Variants in TTC27 observed in about 807,000 individuals in gnomAD.
The protein encoded by TTC27 is tetratricopeptide repeat protein 27.
In TTC27, 79 loss-of-function variants were observed where a neutral mutation model predicts 115.9. That is an observed-to-expected ratio of 0.68 (90% CI 0.57 to 0.82). The LOEUF (loss-of-function observed/expected upper bound fraction) is 0.82, where lower values mean the gene tolerates loss of function less well. Ranked by LOEUF, TTC27 falls within the 40% of genes least tolerant of loss-of-function variation. The pLI, the probability that TTC27 is intolerant of heterozygous loss-of-function variation, is 0.00. For missense variants in TTC27, 1,054 were observed against 993.1 expected, an observed-to-expected ratio of 1.06 and a Z score of -0.82; for synonymous variants, 401 against 356.0, an observed-to-expected ratio of 1.13 and a Z score of -1.42.
At chr2:32,662,685 G>T (rs946607303) in intron 5 of TTC27, among the ~76,000 whole-genome samples, 4 of 152,182 alleles carry the variant, frequency 2.6e-5, no homozygotes, top group South Asian at 4.2e-4. Flanking sequence ...CTGGCTAGCG[G>T]TCTATCTACT....
chr2:32,748,634 C>T (rs1051614767), intron 12 of TTC27, among the ~76,000 whole-genome samples: 1 of 149,314 alleles, frequency 6.7e-6, no homozygotes, highest in South Asian at 2.1e-4. Context: ...ATTGTTATAT[C>T]TTTCTTGATG....
intron 10 of TTC27, 119 bp from the exon 11 acceptor site, chr2:32,733,709 A>G: frequency 1.8e-6 from 1 of 554,552 alleles, no homozygotes; most frequent in Non-Finnish European, 2.9e-6. Flanking sequence ...CTATCACCTT[A>G]TCAAAATGAC....
chr2:32,644,096 G>C (rs1303019511), intron 4 of TTC27, among the ~76,000 whole-genome samples: 2 of 149,750 alleles, frequency 1.3e-5, no homozygotes, highest in Admixed American at 1.3e-4. Context: ...CAGGAGAATT[G>C]CTTGAACCCA....
At chr2:32,629,365 C>T (rs2063540923) in intron 1 of TTC27, among the ~76,000 whole-genome samples, 1 of 152,234 alleles carries the variant, frequency 6.6e-6, no homozygotes, top group South Asian at 2.1e-4. Context: ...GGTGATCCAC[C>T]CGCCTCGGCC....
chr2:32,688,449 C>T (rs1666709052), intron 9 of TTC27, among the ~76,000 whole-genome samples: 1 of 152,106 alleles, frequency 6.6e-6, no homozygotes, highest in Non-Finnish European at 1.5e-5. Context: ...TTAAAACCTT[C>T]TGCTTTTTGA....
rs1485034274 is a variant in TTC27 at position 32,820,724 on chromosome 2, C to T, written c.2410-92C>T. 5 of 1,200,524 alleles carry T rather than the reference C, an allele frequency of 4.2e-6. No homozygotes were observed. In the Admixed American group the frequency reaches 9.5e-5, roughly 23 times the overall value. The allele number at this position is 1,200,524 out of a possible 1,614,324, so 74.4% of individuals were successfully genotyped here. ...ATTATAATTGTATAGTATTATTATG[C>T]AAAAGGTTTTTTAACTCTATACTCT... On this transcript the variant is annotated intron_variant, in intron 19 of 19. Coordinates refer to ENST00000317907, the MANE Select transcript of TTC27 (RefSeq NM_017735.5).
intron 12 of TTC27, among the ~76,000 whole-genome samples, chr2:32,740,907 A>T (rs968322836): frequency 1.3e-5 from 2 of 152,090 alleles, no homozygotes; most frequent in Non-Finnish European, 2.9e-5. Flanking sequence ...CGCCTGCCTC[A>T]GCCTCCCAAA....
intron 16 of TTC27, among the ~76,000 whole-genome samples, chr2:32,802,802 C>T (rs1670998298): frequency 6.6e-6 from 1 of 152,184 alleles, no homozygotes; most frequent in South Asian, 2.1e-4. Context: ...TATATTGCTA[C>T]CCAAGGGGGC....
intron 12 of TTC27, among the ~76,000 whole-genome samples, chr2:32,751,717 C>T (rs1202142444): frequency 6.6e-6 from 1 of 152,138 alleles, no homozygotes; most frequent in Non-Finnish European, 1.5e-5. Context: ...TTTATGTTTA[C>T]TTCTTTGGAA....
chr2:32,812,730 A>G, intron 18 of TTC27, 115 bp downstream of exon 18: 1 of 730,660 alleles, frequency 1.4e-6, no homozygotes. Flanking sequence ...TTATTTCATT[A>G]TATTGACATT....
At chr2:32,675,538 T>G (rs1449752320) in intron 8 of TTC27, among the ~76,000 whole-genome samples, 4 of 152,160 alleles carry the variant, frequency 2.6e-5, no homozygotes, top group Non-Finnish European at 5.9e-5. Context: ...TCTTCATTGT[T>G]TGGTAGAAAC....
intron 16 of TTC27, among the ~76,000 whole-genome samples, chr2:32,806,782 G>GA (rs879646389): frequency 5.1e-4 from 72 of 142,110 alleles, no homozygotes; most frequent in Admixed American, 4.9e-4. Context: ...TTGTCTCAAA[G>GA]AAAAAAAAAA....
chr2:32,785,680 C>T lies in TTC27; in HGVS notation c.1833-1304C>T, dbSNP rs561322821. 8.5e-5 allele frequency among the ~76,000 whole-genome samples: 13 copies of T among 152,304 alleles called. No homozygotes were observed. The South Asian group carries it at 2.7e-3, about 32-fold the overall frequency. ...GCGCGATCTCAGCGCACTGCAACCT[C>T]CACCTCCCGGGTTCAAGCGACTCTC... On this transcript the variant is annotated intron_variant, in intron 15 of 19. Transcript: ENST00000317907.
At chr2:32,764,580 A>G (rs1276237310) in intron 13 of TTC27, among the ~76,000 whole-genome samples, 1 of 152,208 alleles carries the variant, frequency 6.6e-6, no homozygotes, top group African/African-American at 2.4e-5. Flanking sequence ...TAGCTGTGGC[A>G]ATTCCTTAAA....
In TTC27 at chr2:32,679,050, T is replaced by A. The variant is rs955147670; in HGVS notation, c.1119+128T>A. ...AAGGAAATAAGGTGGAGAAAAATCT[T>A]ACCACTGTAGTTTCTAAGTCACATG... On this transcript the variant is annotated intron_variant, in intron 9 of 19. Transcript: ENST00000317907. The A allele has an allele frequency of 1.1e-5, 8 of 722,596 alleles. No homozygotes were observed. The African/African-American group carries it at 1.2e-4, about 11-fold the overall frequency. The allele number at this position is 722,596 out of a possible 1,614,324, so 44.8% of individuals were successfully genotyped here. A position where few individuals can be genotyped will look rare whatever the true frequency, so the allele number is the denominator to read the frequency against.
intron 8 of TTC27, among the ~76,000 whole-genome samples, chr2:32,674,525 A>G (rs1472680492): frequency 2.0e-5 from 3 of 152,218 alleles, no homozygotes. Flanking sequence ...CATATATGCA[A>G]TAGTAAGTTT....
At chr2:32,702,758 C>A in intron 9 of TTC27, 49 bp from the exon 10 acceptor site, 1 of 1,204,034 alleles carries the variant, frequency 8.3e-7, no homozygotes. Flanking sequence ...AGAATGAGAT[C>A]ACCTAGCTTA....
At chr2:32,661,547 C>T (rs1665548229) in intron 5 of TTC27, among the ~76,000 whole-genome samples, 1 of 152,112 alleles carries the variant, frequency 6.6e-6, no homozygotes, top group Non-Finnish European at 1.5e-5. Context: ...AATGGGAGTT[C>T]ACTCATGATT....
chr2:32,689,866 T>G (rs567650970), intron 9 of TTC27, among the ~76,000 whole-genome samples: 1 of 152,328 alleles, frequency 6.6e-6, no homozygotes, highest in South Asian at 2.1e-4. Context: ...AATATATGAT[T>G]TCTAGCAACT....
Sources: allele counts gnomAD v4.1 joint callset (sites outside exome capture counted in the v4.1 genomes callset), GRCh38; gene constraint gnomAD v4.1.1; transcripts MANE v1.5; gene names NCBI Gene and HGNC (gene_info 2026-07-23, HGNC 2026-07-21).